Variants in PCDHA7 observed in about 807,000 individuals in gnomAD.
PCDHA7 encodes the protein protocadherin alpha 7, also known as protocadherin alpha-7.
In PCDHA7, 37 loss-of-function variants were observed where a neutral mutation model predicts 57.2. The ratio of observed to expected loss-of-function variants is 0.65; its 90% CI spans 0.50 to 0.85. The LOEUF (loss-of-function observed/expected upper bound fraction) is 0.85. PCDHA7 is among the 40% of genes least tolerant of loss of function. The pLI is 0.00. For missense variants in PCDHA7, 1,188 were observed against 1,241.8 expected (o/e 0.96, Z 0.65); for synonymous variants, 553 against 558.8 (o/e 0.99, Z 0.15).
At chr5:140,870,962 C>T (rs1489353896) in intron 1 of PCDHA7, 3 of 1,613,532 alleles carry the variant, frequency 1.9e-6, no homozygotes, top group Admixed American at 1.7e-5. Context: ...TCGCGCATCC[C>T]GTTCCGCGTG....
intron 1 of PCDHA7, among the ~76,000 whole-genome samples, chr5:140,890,607 T>A (rs2062708566): frequency 6.6e-6 from 1 of 152,184 alleles, no homozygotes; most frequent in Non-Finnish European, 1.5e-5. Context: ...GAATAGCTAG[T>A]GCTTACCCTA....
chr5:140,862,649 C>T, intron 1 of PCDHA7: 1 of 543,104 alleles, frequency 1.8e-6, no homozygotes, highest in East Asian at 5.0e-5. Context: ...ACAGTGTCCG[C>T]GCGGGACCGG....
intron 1 of PCDHA7, among the ~76,000 whole-genome samples, chr5:140,941,599 G>A (rs1017713166): frequency 3.3e-5 from 5 of 152,116 alleles, no homozygotes; most frequent in African/African-American, 1.2e-4. Flanking sequence ...ACAGCCATGA[G>A]CCATGGTGCC....
chr5:140,962,796 A>T (rs1248367259), intron 1 of PCDHA7, among the ~76,000 whole-genome samples: 1 of 152,222 alleles, frequency 6.6e-6, no homozygotes, highest in Non-Finnish European at 1.5e-5. Flanking sequence ...ACTACTTTGG[A>T]CAACTCTAAA....
At position 140,909,749 on chromosome 5, in the gene PCDHA7, C is replaced by G. The variant is rs141984152; in HGVS notation, c.2356-69200C>G. On this transcript the variant is annotated intron_variant, in intron 1 of 3. Coordinates refer to ENST00000525929, the MANE Select transcript of PCDHA7 (RefSeq NM_018910.3). ...ATGCATTCTGGCACTGGGGAAATGA[C>G]CACAGGATGAGTCCAGGGACCCACT... 2.0e-3 allele frequency among the ~76,000 whole-genome samples: 298 copies of G among 152,232 alleles called. 1 individual carries two copies. Among genetic ancestry groups the G allele is most frequent in the African/African-American group, 6.9e-3 (285 of 41,526 alleles).
intron 1 of PCDHA7, among the ~76,000 whole-genome samples, chr5:140,961,052 G>A (rs942442138): frequency 7.9e-5 from 12 of 152,272 alleles, no homozygotes; most frequent in African/African-American, 2.9e-4. Flanking sequence ...TTAACAAAAT[G>A]TTGAATGGGA....
intron 3 of PCDHA7, among the ~76,000 whole-genome samples, chr5:141,008,567 T>C (rs1171779674): frequency 1.3e-5 from 2 of 152,182 alleles, no homozygotes; most frequent in African/African-American, 4.8e-5. Flanking sequence ...TGCATAATCA[T>C]TTTCCCAAGA....
At chr5:140,963,220 G>A (rs2095749091) in intron 1 of PCDHA7, among the ~76,000 whole-genome samples, 2 of 152,122 alleles carry the variant, frequency 1.3e-5, no homozygotes, top group East Asian at 1.9e-4. Flanking sequence ...CGTGTTTAGA[G>A]TAGACACTGT....
In PCDHA7 at chr5:140,982,506, C is replaced by T. The variant is rs139355257; in HGVS notation, c.2446C>T (p.Arg816Trp). The change falls in exon 3 of 4, where the codon CGG (arginine) becomes TGG (tryptophan). Residue 816 changes from arginine to tryptophan, a missense_variant. Arg to Trp is a moderately radical substitution (Grantham distance 101). Coordinates refer to ENST00000525929, the MANE Select transcript of PCDHA7 (RefSeq NM_018910.3). ...GCACCTAGAGGAGGCTGGCATTCTACGGGCTGGTCCAGGAGGGCCTGATCA... is the reference window on the plus strand; with the variant it reads ...GCACCTAGAGGAGGCTGGCATTCTATGGGCTGGTCCAGGAGGGCCTGATCA... The part of the protein sequence containing the change: ...SVHLEEAGIL[R>W]AGPGGPDQQW... The T allele has an allele frequency of 3.5e-5, 57 of 1,614,162 alleles. No individual in the cohort carries two copies. Among genetic ancestry groups the T allele is most frequent in the Middle Eastern group, 3.3e-4 (2 of 6,058 alleles).
At chr5:141,008,843 G>A (rs1474787733) in intron 3 of PCDHA7, among the ~76,000 whole-genome samples, 7 of 152,114 alleles carry the variant, frequency 4.6e-5, no homozygotes, top group Non-Finnish European at 1.0e-4. Context: ...CTTACGCTGT[G>A]TATTCCCATC....
At chr5:140,849,668 C>T (rs1208078689) in intron 1 of PCDHA7, 1 of 1,598,736 alleles carries the variant, frequency 6.3e-7, no homozygotes, top group Non-Finnish European at 8.6e-7. Flanking sequence ...CCCTGACGCC[C>T]CACGTCCCCT....
chr5:140,983,777 A>G (rs947937417), intron 3 of PCDHA7, among the ~76,000 whole-genome samples: 1 of 152,256 alleles, frequency 6.6e-6, no homozygotes, highest in Non-Finnish European at 1.5e-5. Context: ...ATCTACATAC[A>G]TAACAGATGA....
chr5:140,953,851 GC>G (rs1458424600), intron 1 of PCDHA7, among the ~76,000 whole-genome samples: 6 of 152,108 alleles, frequency 3.9e-5, no homozygotes, highest in African/African-American at 1.2e-4. Context: ...GTAAACATGT[GC>G]CATGGTGGTT....
chr5:140,853,126 G>T, intron 1 of PCDHA7: 1 of 560,330 alleles, frequency 1.8e-6, no homozygotes. Flanking sequence ...TGATCCTCCC[G>T]CCTCAGCCTC....
intron 1 of PCDHA7, among the ~76,000 whole-genome samples, chr5:140,915,326 T>C (rs2077071352): frequency 6.6e-6 from 1 of 152,196 alleles, no homozygotes; most frequent in Non-Finnish European, 1.5e-5. Flanking sequence ...TACAGTGTTA[T>C]AATATTCTGT....
At position 140,835,633 on chromosome 5, in the gene PCDHA7, G is replaced by A. The variant is rs1449740308; in HGVS notation, c.1250G>A (p.Ser417Asn). The A allele has an allele frequency of 2.5e-5, 40 of 1,613,932 alleles. No individual in the cohort carries two copies. The highest frequency in any genetic ancestry group is 3.2e-5 in the Non-Finnish European group (38 of 1,179,880). Reference protein sequence around the residue: ...LVLDSALDRESVSAYELVVTA... With the variant: ...LVLDSALDRENVSAYELVVTA... Reference sequence around the variant, plus strand: ...CTGGACAGCGCTCTGGACCGCGAGAGTGTGTCCGCCTATGAGCTGGTGGTT... The same window carrying A: ...CTGGACAGCGCTCTGGACCGCGAGAATGTGTCCGCCTATGAGCTGGTGGTT... Residue 417 changes from serine (S) to asparagine (N), a missense_variant, in exon 1 of 4, where the codon AGT becomes AAT. Transcript: ENST00000525929.
chr5:140,935,894 C>CTTT lies in PCDHA7; in HGVS notation c.2356-43041_2356-43039dup, dbSNP rs55841305. Among the ~76,000 whole-genome samples, 1,154 of 136,734 alleles carry CTTT rather than the reference C, an allele frequency of 8.4e-3. 14 individuals carry two copies. Among genetic ancestry groups the CTTT allele is most frequent in the East Asian group, 0.025 (118 of 4,726 alleles). 89.7% of individuals were successfully genotyped at this position (136,734 alleles called of 152,430 possible). On this transcript the variant is annotated intron_variant, in intron 1 of 3. Coordinates refer to ENST00000525929, the MANE Select transcript of PCDHA7 (RefSeq NM_018910.3). ...ATGAGCTCCAATTTATCAATATTAT[C>CTTT]TTTTTTTTTTTTTTTTGAGACAGAT...
At chr5:140,871,224 C>G (rs1554165289) in intron 1 of PCDHA7, 3 of 1,613,902 alleles carry the variant, frequency 1.9e-6, no homozygotes. Context: ...GCGTGGTGTC[C>G]AGCCTCCTGG....
At chr5:140,871,010 TGG>T in intron 1 of PCDHA7, 1 of 1,613,348 alleles carries the variant, frequency 6.2e-7, no homozygotes, top group South Asian at 1.1e-5. Context: ...ACGCGTGCCC[TGG>T]ACGAGGCAGA....
Sources: allele counts gnomAD v4.1 joint callset (sites outside exome capture counted in the v4.1 genomes callset), GRCh38; gene constraint gnomAD v4.1.1; transcripts MANE v1.5; gene names NCBI Gene and HGNC (gene_info 2026-07-23, HGNC 2026-07-21).